Variants in PLD5 observed in about 807,000 individuals in gnomAD.
PLD5 encodes inactive phospholipase D5.
PLD5 carries 36 observed loss-of-function variants against 61.1 expected under a neutral mutation model. The observed-to-expected ratio is 0.59, with a 90% CI of 0.45 to 0.78. PLD5 has a LOEUF of 0.78. Among genes scored for constraint, PLD5 ranks in the 30% least tolerant of loss-of-function variants. The probability of loss-of-function intolerance (pLI) is 0.00; values close to 1 mark genes in which losing one functional copy is unlikely to be tolerated. For missense variants in PLD5, 515 were observed against 644.4 expected (o/e 0.80, Z 2.17); for synonymous variants, 243 against 242.8 (o/e 1.00, Z -0.01).
At chr1:242,431,691 G>C (rs1665728188) in intron 1 of PLD5, among the ~76,000 whole-genome samples, 1 of 152,154 alleles carries the variant, frequency 6.6e-6, no homozygotes, top group Admixed American at 6.5e-5. Flanking sequence ...AGAAATTTAA[G>C]TCACATATAT....
intron 5 of PLD5, among the ~76,000 whole-genome samples, chr1:242,169,730 A>G (rs1266060793): frequency 1.3e-5 from 2 of 152,016 alleles, no homozygotes; most frequent in African/African-American, 4.8e-5. Context: ...AACCTGGGAT[A>G]CTCCAGCTTC....
intron 5 of PLD5, among the ~76,000 whole-genome samples, chr1:242,150,138 T>C (rs1313971506): frequency 6.6e-6 from 1 of 151,850 alleles, no homozygotes; most frequent in East Asian, 1.9e-4. Context: ...TCTAGTTTTT[T>C]ATTCATATAT....
intron 3 of PLD5, among the ~76,000 whole-genome samples, chr1:242,284,079 A>G (rs1308102414): frequency 6.8e-6 from 1 of 147,048 alleles, no homozygotes; most frequent in Non-Finnish European, 1.5e-5. Context: ...AGAGGGGGAA[A>G]GGAGGGGAAT....
At chr1:242,264,185 A>T (rs894722384) in intron 4 of PLD5, among the ~76,000 whole-genome samples, 1 of 152,252 alleles carries the variant, frequency 6.6e-6, no homozygotes, top group African/African-American at 2.4e-5. Context: ...AAAAATAGGA[A>T]AAGTAAGAAT....
At chr1:242,116,223 T>A (rs1661934859) in intron 6 of PLD5, among the ~76,000 whole-genome samples, 1 of 152,086 alleles carries the variant, frequency 6.6e-6, no homozygotes, top group Admixed American at 6.6e-5. Flanking sequence ...CACTGCACAG[T>A]AGGAGTCCCC....
chr1:242,504,439 C>T (rs983310018), intron 1 of PLD5, among the ~76,000 whole-genome samples: 2 of 152,178 alleles, frequency 1.3e-5, no homozygotes, highest in Non-Finnish European at 2.9e-5. Flanking sequence ...TCCATAGGGC[C>T]CACTTAGGAG....
In PLD5 at chr1:242,484,008, C is replaced by A. The variant is rs1667871788; in HGVS notation, c.189+40080G>T. The stretch of plus-strand genomic sequence containing the variant: ...CAGAAATAAAGATGTTCTTTGAAAC[C>A]AATGAGAACAAAGACACAACATACC... On this transcript the variant is annotated intron_variant, in intron 1 of 9. Coordinates refer to ENST00000536534, the MANE Select transcript of PLD5 (RefSeq NM_001372062.1). Among the ~76,000 whole-genome samples, 4 of 152,124 alleles carry A rather than the reference C, an allele frequency of 2.6e-5. No homozygotes were observed. The South Asian group carries it at 6.2e-4, about 24-fold the overall frequency.
At chr1:242,473,853 A>G (rs941439723) in intron 1 of PLD5, among the ~76,000 whole-genome samples, 2 of 152,218 alleles carry the variant, frequency 1.3e-5, no homozygotes, top group African/African-American at 4.8e-5. Flanking sequence ...AAGAACTTGA[A>G]AAAAACAATT....
chr1:242,267,267 T>C (rs1348611471), intron 3 of PLD5, among the ~76,000 whole-genome samples: 2 of 152,018 alleles, frequency 1.3e-5, no homozygotes, highest in Non-Finnish European at 2.9e-5. Context: ...AGAAAGAAGC[T>C]GCCAGTGCTG....
chr1:242,468,663 A>G (rs1340207742), intron 1 of PLD5, among the ~76,000 whole-genome samples: 1 of 151,972 alleles, frequency 6.6e-6, no homozygotes, highest in African/African-American at 2.4e-5. Flanking sequence ...CAATATCAGC[A>G]TATGTAAATA....
intron 3 of PLD5, among the ~76,000 whole-genome samples, chr1:242,283,338 G>A (rs71650685): frequency 3.3e-5 from 5 of 152,154 alleles, no homozygotes; most frequent in Non-Finnish European, 4.4e-5. Flanking sequence ...AAATGTGTGC[G>A]TCTGCTGCTG....
intron 1 of PLD5, among the ~76,000 whole-genome samples, chr1:242,399,505 T>C (rs1471644160): frequency 1.3e-5 from 2 of 151,952 alleles, no homozygotes; most frequent in Non-Finnish European, 2.9e-5. Flanking sequence ...TTCCTAGGAG[T>C]AGCTGCAGTG....
In PLD5 at chr1:242,089,089, T is replaced by A. The variant is rs192723643; in HGVS notation, c.*765A>T. 977 of 373,840 alleles carry A rather than the reference T, an allele frequency of 2.6e-3. 5 individuals carry two copies. Among genetic ancestry groups the A allele is most frequent in the Middle Eastern group, 0.022 (33 of 1,478 alleles). The allele number at this position is 373,840 out of a possible 1,614,324, so 23.2% of individuals were successfully genotyped here. A position where few individuals can be genotyped will look rare whatever the true frequency, so the allele number is the denominator to read the frequency against. On this transcript the variant is annotated 3_prime_UTR_variant, in exon 10 of 10. Transcript: ENST00000536534. ...ACATATTGCTGACTGTGATTTTTTT[T>A]AAATACCAATTCGGTAGGGGAAAAA...
intron 5 of PLD5, among the ~76,000 whole-genome samples, chr1:242,134,424 T>C (rs1015435927): frequency 2.0e-5 from 3 of 151,578 alleles, no homozygotes; most frequent in African/African-American, 7.3e-5. Flanking sequence ...AAAAAGAAAA[T>C]TTTTAAAAGT....
chr1:242,312,262 G>C (rs941948755), intron 2 of PLD5, among the ~76,000 whole-genome samples: 1 of 150,286 alleles, frequency 6.7e-6, no homozygotes, highest in African/African-American at 2.4e-5. Context: ...AATGTCTTGC[G>C]ATCTTTTGTT....
intron 2 of PLD5, among the ~76,000 whole-genome samples, chr1:242,313,425 T>C (rs1159519327): frequency 6.6e-6 from 1 of 152,192 alleles, no homozygotes; most frequent in Non-Finnish European, 1.5e-5. Flanking sequence ...TTCACAACTT[T>C]TAAGAGCAGT....
At chr1:242,207,888 A>ATATATT (rs1368645343) in intron 5 of PLD5, among the ~76,000 whole-genome samples, 3 of 31,340 alleles carry the variant, frequency 9.6e-5, no homozygotes, top group African/African-American at 3.4e-4. Context: ...TTATATATTT[A>ATATATT]TATATATTTA....
intron 7 of PLD5, among the ~76,000 whole-genome samples, chr1:242,113,363 G>T (rs1342239584): frequency 6.6e-6 from 1 of 152,122 alleles, no homozygotes; most frequent in African/African-American, 2.4e-5. Flanking sequence ...AAAGTGCTGG[G>T]ATTACAGGCG....
intron 1 of PLD5, among the ~76,000 whole-genome samples, chr1:242,410,495 G>A (rs1160075129): frequency 1.3e-5 from 2 of 152,062 alleles, no homozygotes; most frequent in Non-Finnish European, 2.9e-5. Flanking sequence ...TAGTTGACAT[G>A]CTGGAAGAAA....
Sources: allele counts gnomAD v4.1 joint callset (sites outside exome capture counted in the v4.1 genomes callset), GRCh38; gene constraint gnomAD v4.1.1; transcripts MANE v1.5; gene names NCBI Gene and HGNC (gene_info 2026-07-23, HGNC 2026-07-21).